Variants in RBFOX1 observed in about 807,000 individuals in gnomAD.
RBFOX1 encodes RNA binding fox-1 homolog 1.
RBFOX1 carries 8 observed loss-of-function variants against 57.7 expected under a neutral mutation model. The ratio of observed to expected loss-of-function variants is 0.14; its 90% CI spans 0.08 to 0.25. RBFOX1 has a LOEUF of 0.25. Among genes scored for constraint, RBFOX1 ranks in the 10% least tolerant of loss-of-function variants. The probability of loss-of-function intolerance (pLI) is 1.00; values close to 1 mark genes in which losing one functional copy is unlikely to be tolerated. For synonymous variants in RBFOX1, 326 were observed against 222.4 expected, an observed-to-expected ratio of 1.47 and a Z score of -4.15; for missense variants, 611 against 548.5, an observed-to-expected ratio of 1.11 and a Z score of -1.14.
At chr16:5,547,574 G>A (rs1356124474) in intron 2 of RBFOX1, among the ~76,000 whole-genome samples, 1 of 152,156 alleles carries the variant, frequency 6.6e-6, no homozygotes, top group South Asian at 2.1e-4. Context: ...GTGACAGAAA[G>A]CAGATCATTT....
chr16:6,280,067 A>C (rs2076218845), intron 1 of RBFOX1, among the ~76,000 whole-genome samples: 2 of 152,144 alleles, frequency 1.3e-5, no homozygotes, highest in South Asian at 4.2e-4. Context: ...TCATCCTAGA[A>C]AAGACAGACT....
At chr16:6,193,425 T>TAAAA (rs59142664) in intron 1 of RBFOX1, among the ~76,000 whole-genome samples, 1 of 106,504 alleles carries the variant, frequency 9.4e-6, no homozygotes, top group African/African-American at 3.2e-5. Context: ...TATATATATA[T>TAAAA]AAAATTCAGT....
chr16:6,114,759 G>C (rs540079761), intron 1 of RBFOX1, among the ~76,000 whole-genome samples: 2 of 152,120 alleles, frequency 1.3e-5, no homozygotes, highest in Non-Finnish European at 2.9e-5. Flanking sequence ...CCAAAAGTTG[G>C]GGCTTAGCCT....
intron 3 of RBFOX1, among the ~76,000 whole-genome samples, chr16:5,660,163 G>C (rs11860056): frequency 1.3e-5 from 2 of 152,140 alleles, no homozygotes; most frequent in African/African-American, 4.8e-5. Context: ...TTGACTGGGG[G>C]ACCTGGAGTG....
rs1567304013 is a variant in RBFOX1 at position 6,450,847 on chromosome 16, A to ATG, written c.-64+133791_-64+133792insGT. Among the ~76,000 whole-genome samples the ATG allele has an allele frequency of 5.4e-3, 359 of 66,466 alleles. 89 individuals are homozygous for ATG. In the East Asian group the frequency reaches 0.079, roughly 15 times the overall value. 43.6% of individuals were successfully genotyped at this position (66,466 alleles called of 152,430 possible). On this transcript the variant is annotated intron_variant, in intron 2 of 15. Transcript: ENST00000550418. Reference sequence around the variant, plus strand: ...TATATATATATATATGTGTATATATATATATATATATATATATATATATAT... The same window carrying ATG: ...TATATATATATATATGTGTATATATATGTATATATATATATATATATATATAT...
At chr16:6,506,465 G>T (rs1004211280) in intron 2 of RBFOX1, among the ~76,000 whole-genome samples, 3 of 152,054 alleles carry the variant, frequency 2.0e-5, no homozygotes, top group East Asian at 3.9e-4. Flanking sequence ...TGAGAAAGAA[G>T]GCTGAGGGAA....
intron 3 of RBFOX1, among the ~76,000 whole-genome samples, chr16:6,833,011 C>G (rs1049802575): frequency 6.6e-6 from 1 of 152,088 alleles, no homozygotes; most frequent in South Asian, 2.1e-4. Flanking sequence ...TGTTCTAACT[C>G]AGCACTAGTC....
chr16:6,425,729 G>A (rs1597072004), intron 2 of RBFOX1, among the ~76,000 whole-genome samples: 1 of 152,090 alleles, frequency 6.6e-6, no homozygotes, highest in South Asian at 2.1e-4. Context: ...ACACACACAC[G>A]AACGTTTTGA....
chr16:6,186,477 A>G (rs2097105980), intron 1 of RBFOX1, among the ~76,000 whole-genome samples: 2 of 152,324 alleles, frequency 1.3e-5, no homozygotes, highest in East Asian at 3.9e-4. Flanking sequence ...TAGAGAGTAG[A>G]CTGCAGAAAC....
intron 1 of RBFOX1, among the ~76,000 whole-genome samples, chr16:5,278,520 G>A (rs1386497725): frequency 6.6e-6 from 1 of 152,154 alleles, no homozygotes; most frequent in East Asian, 1.9e-4. Context: ...CAGCCATCTT[G>A]AGTTAATTTT....
At chr16:7,575,186 G>C (rs1450291828) in intron 5 of RBFOX1, among the ~76,000 whole-genome samples, 2 of 152,112 alleles carry the variant, frequency 1.3e-5, no homozygotes, top group African/African-American at 2.4e-5. Flanking sequence ...CCAGGCTGGA[G>C]TGCAGTGGCA....
intron 3 of RBFOX1, among the ~76,000 whole-genome samples, chr16:6,763,221 T>A (rs1262090866): frequency 6.6e-6 from 1 of 152,198 alleles, no homozygotes; most frequent in East Asian, 1.9e-4. Flanking sequence ...GTTCAATAAT[T>A]ATTTGTTGAA....
intron 4 of RBFOX1, among the ~76,000 whole-genome samples, chr16:5,974,528 C>G (rs1031702062): frequency 6.6e-6 from 1 of 151,442 alleles, no homozygotes; most frequent in Admixed American, 6.6e-5. Context: ...GAGAATCACT[C>G]GAACCCGGGA....
At chr16:6,961,173 G>C (rs2082928543) in intron 3 of RBFOX1, among the ~76,000 whole-genome samples, 1 of 43,812 alleles carries the variant, frequency 2.3e-5, no homozygotes, top group African/African-American at 7.6e-5. Context: ...GCAAAAGAAA[G>C]AAAGAAAAAA....
chr16:5,989,910 C>G (rs1041309026), intron 4 of RBFOX1, among the ~76,000 whole-genome samples: 1 of 137,246 alleles, frequency 7.3e-6, no homozygotes, highest in Admixed American at 7.6e-5. Flanking sequence ...GGAGTAACCA[C>G]CCAGGTTGGT....
chr16:6,810,655 G>A (rs549806855), intron 3 of RBFOX1, among the ~76,000 whole-genome samples: 1 of 152,148 alleles, frequency 6.6e-6, no homozygotes, highest in South Asian at 2.1e-4. Context: ...TTTAATTGAC[G>A]CAGTTCCACA....
At chr16:5,712,174 T>A (rs1353602081) in intron 3 of RBFOX1, among the ~76,000 whole-genome samples, 2 of 152,158 alleles carry the variant, frequency 1.3e-5, no homozygotes, top group African/African-American at 4.8e-5. Flanking sequence ...ACTGCCCCCA[T>A]GATCCAATCA....
At chr16:5,275,484 G>T (rs1242402299) in intron 1 of RBFOX1, among the ~76,000 whole-genome samples, 2 of 151,966 alleles carry the variant, frequency 1.3e-5, no homozygotes, top group East Asian at 3.9e-4. Flanking sequence ...AACCAAGGAG[G>T]TGAAATACCC....
At chr16:5,736,469 GT>G (rs1183230876) in intron 3 of RBFOX1, among the ~76,000 whole-genome samples, 2 of 151,900 alleles carry the variant, frequency 1.3e-5, no homozygotes, top group Non-Finnish European at 2.9e-5. Context: ...CTTCTGCTGC[GT>G]TTCCCTCCCC....
Sources: gnomAD v4.1 joint callset for allele counts (sites outside exome capture counted in the v4.1 genomes callset) on GRCh38, gnomAD v4.1.1 for gene constraint, MANE v1.5 for transcripts, NCBI Gene and HGNC (gene_info 2026-07-23, HGNC 2026-07-21) for gene names.